Variants in ZNF385D observed in about 807,000 individuals in gnomAD.
ZNF385D encodes zinc finger protein 659.
In ZNF385D, 15 loss-of-function variants were observed where a neutral mutation model predicts 35.8. The ratio of observed to expected loss-of-function variants is 0.42; its 90% CI spans 0.28 to 0.64. The LOEUF is 0.64. ZNF385D is among the 30% of genes least tolerant of loss of function. The probability of loss-of-function intolerance (pLI) is 0.23; values close to 1 mark genes in which losing one functional copy is unlikely to be tolerated. For missense variants in ZNF385D, 474 were observed against 494.6 expected, an observed-to-expected ratio of 0.96 and a Z score of 0.39; for synonymous variants, 212 against 186.8, an observed-to-expected ratio of 1.13 and a Z score of -1.10.
At chr3:22,329,749 G>A (rs1694849111) in intron 2 of ZNF385D, among the ~76,000 whole-genome samples, 1 of 152,110 alleles carries the variant, frequency 6.6e-6, no homozygotes. Flanking sequence ...TGCAGCCACA[G>A]GAAGAAGTAC....
intron 3 of ZNF385D, among the ~76,000 whole-genome samples, chr3:21,941,504 T>C (rs1371425224): frequency 7.2e-6 from 1 of 138,434 alleles, no homozygotes; most frequent in African/African-American, 2.7e-5. Flanking sequence ...TTTTTTTTTT[T>C]TTTTTTTTTT....
At chr3:22,130,998 A>T (rs577541946) in intron 3 of ZNF385D, among the ~76,000 whole-genome samples, 9 of 152,308 alleles carry the variant, frequency 5.9e-5, no homozygotes, top group African/African-American at 1.7e-4. Context: ...CTAAAAAAAA[A>T]TATTGAGAAT....
At chr3:21,626,645 C>A (rs2065142563) in intron 2 of ZNF385D, among the ~76,000 whole-genome samples, 1 of 152,064 alleles carries the variant, frequency 6.6e-6, no homozygotes, top group Admixed American at 6.6e-5. Flanking sequence ...CCTCTGAAGG[C>A]ATGGCTGAGT....
At chr3:22,063,334 T>C (rs1292034739) in intron 3 of ZNF385D, among the ~76,000 whole-genome samples, 1 of 152,164 alleles carries the variant, frequency 6.6e-6, no homozygotes, top group African/African-American at 2.4e-5. Flanking sequence ...CCAACAAACA[T>C]ACATCATTTT....
At chr3:22,160,828 A>G (rs1705902948) in intron 3 of ZNF385D, among the ~76,000 whole-genome samples, 1 of 152,136 alleles carries the variant, frequency 6.6e-6, no homozygotes, top group Non-Finnish European at 1.5e-5. Flanking sequence ...GAATAAAATA[A>G]AGCTGACACG....
At chr3:21,804,235 T>C (rs561649417) in intron 3 of ZNF385D, among the ~76,000 whole-genome samples, 5 of 152,224 alleles carry the variant, frequency 3.3e-5, no homozygotes, top group Non-Finnish European at 7.4e-5. Context: ...TATTTTTATA[T>C]CACATTCTTT....
At chr3:22,046,648 A>G (rs570525949) in intron 3 of ZNF385D, among the ~76,000 whole-genome samples, 18 of 152,262 alleles carry the variant, frequency 1.2e-4, no homozygotes, top group African/African-American at 3.8e-4. Flanking sequence ...TTATTGAATT[A>G]CATTTAACCC....
At chr3:22,320,107 GCTCTATACATC>G (rs1694342637) in intron 2 of ZNF385D, among the ~76,000 whole-genome samples, 4 of 150,916 alleles carry the variant, frequency 2.7e-5, no homozygotes, top group Admixed American at 2.6e-4. Flanking sequence ...GGAATCTGGT[GCTCTATACATC>G]CTCAACCTTC....
chr3:21,909,915 G>A (rs887409647), intron 3 of ZNF385D, among the ~76,000 whole-genome samples: 1 of 151,914 alleles, frequency 6.6e-6, no homozygotes, highest in African/African-American at 2.4e-5. Context: ...TTGATATATG[G>A]AATAAACATT....
intron 3 of ZNF385D, among the ~76,000 whole-genome samples, chr3:21,955,326 G>T (rs1392304233): frequency 6.6e-6 from 1 of 151,998 alleles, no homozygotes; most frequent in African/African-American, 2.4e-5. Context: ...TGGGGACAGG[G>T]CATGAAAGAA....
At chr3:22,101,636 A>G (rs1701950161) in intron 3 of ZNF385D, among the ~76,000 whole-genome samples, 1 of 152,052 alleles carries the variant, frequency 6.6e-6, no homozygotes, top group South Asian at 2.1e-4. Context: ...TTCGCCAACT[A>G]TAGCTACTAA....
intron 3 of ZNF385D, among the ~76,000 whole-genome samples, chr3:21,816,174 G>A (rs531697498): frequency 2.6e-5 from 4 of 152,060 alleles, no homozygotes; most frequent in African/African-American, 4.8e-5. Flanking sequence ...TTGATGGGAC[G>A]TATCTCAAAA....
At chr3:22,157,301 A>G (rs1039063961) in intron 3 of ZNF385D, among the ~76,000 whole-genome samples, 1 of 152,186 alleles carries the variant, frequency 6.6e-6, no homozygotes, top group Non-Finnish European at 1.5e-5. Context: ...AATTTTTAGA[A>G]TAAAATCTAG....
chr3:21,684,080 G>A (rs940828785), intron 1 of ZNF385D, among the ~76,000 whole-genome samples: 1 of 149,726 alleles, frequency 6.7e-6, no homozygotes, highest in Non-Finnish European at 1.5e-5. Context: ...GACACTGTGA[G>A]TGTGGTATAT....
chr3:21,578,790 TG>T (rs1370024540), intron 2 of ZNF385D, among the ~76,000 whole-genome samples: 1 of 152,192 alleles, frequency 6.6e-6, no homozygotes, highest in African/African-American at 2.4e-5. Context: ...TTGTTCTTTT[TG>T]TTCTGCATTG....
intron 1 of ZNF385D, among the ~76,000 whole-genome samples, chr3:21,736,324 C>T (rs999383729): frequency 6.6e-6 from 1 of 151,972 alleles, no homozygotes; most frequent in African/African-American, 2.4e-5. Flanking sequence ...TATAGATACT[C>T]CAGTTTATTT....
At chr3:21,595,787 A>G (rs1376402312) in intron 2 of ZNF385D, among the ~76,000 whole-genome samples, 1 of 152,224 alleles carries the variant, frequency 6.6e-6, no homozygotes, top group African/African-American at 2.4e-5. Flanking sequence ...TTAGAGAAGC[A>G]AACTAAAACT....
intron 3 of ZNF385D, among the ~76,000 whole-genome samples, chr3:21,908,078 GTTAT>G (rs969538285): frequency 2.9e-4 from 44 of 151,810 alleles, no homozygotes; most frequent in African/African-American, 9.7e-4. Flanking sequence ...AGGCAAAAAA[GTTAT>G]TTATTTTCTC....
chr3:21,723,294 G>T (rs890890540), intron 1 of ZNF385D, among the ~76,000 whole-genome samples: 1 of 152,184 alleles, frequency 6.6e-6, no homozygotes, highest in Non-Finnish European at 1.5e-5. Flanking sequence ...ACTGCATGGA[G>T]AATAAGTTTG....
Sources: allele counts gnomAD v4.1 joint callset (sites outside exome capture counted in the v4.1 genomes callset), GRCh38; gene constraint gnomAD v4.1.1; transcripts MANE v1.5; gene names NCBI Gene and HGNC (gene_info 2026-07-23, HGNC 2026-07-21).